Variants in XRCC4 observed in about 807,000 individuals in gnomAD.
The protein encoded by XRCC4 is DNA repair protein XRCC4.
In XRCC4, 28 loss-of-function variants were observed where a neutral mutation model predicts 39.1. The observed-to-expected ratio is 0.72, with a 90% CI of 0.53 to 0.98. The LOEUF is 0.98. XRCC4 is among the 50% of genes least tolerant of loss of function. The pLI, the probability that XRCC4 is intolerant of heterozygous loss-of-function variation, is 0.00. For synonymous variants in XRCC4, 123 were observed against 126.4 expected (o/e 0.97, Z 0.18); for missense variants, 350 against 376.4 (o/e 0.93, Z 0.58).
rs767176080 is a variant in XRCC4, at chr5:83,204,907, C to T, written c.731C>T (p.Ser244Phe). 1 of 1,610,828 alleles carries T rather than the reference C, an allele frequency of 6.2e-7. No homozygotes were observed. Among genetic ancestry groups the T allele is most frequent in the South Asian group, 1.1e-5 (1 of 90,818 alleles). Residue 244 changes from serine (S) to phenylalanine (F), a missense_variant, in exon 6 of 8, where the codon TCT becomes TTT. Ser to Phe is a radical substitution (Grantham distance 155). Coordinates refer to ENST00000396027, the MANE Select transcript of XRCC4 (RefSeq NM_003401.5). Reference protein sequence around the residue: ...DEESENQTDLSGLASAAVSKD... With the variant: ...DEESENQTDLFGLASAAVSKD... ...GAAAGTGAAAACCAAACTGATCTCTCTGGGTTGGCTTCAGGTAAGAGATAC... is the reference window on the plus strand; with the variant it reads ...GAAAGTGAAAACCAAACTGATCTCTTTGGGTTGGCTTCAGGTAAGAGATAC...
rs774555675 is a variant in XRCC4 at position 83,204,850 on chromosome 5, G to A, written c.674G>A (p.Arg225Gln). The A allele has an allele frequency of 6.8e-6, 11 of 1,611,948 alleles. No individual in the cohort carries two copies. In the East Asian group the frequency reaches 1.6e-4, roughly 23 times the overall value. Residue 225 changes from arginine (R) to glutamine (Q), a missense_variant, in exon 6 of 8, where the codon CGA becomes CAA. Arg to Gln is a conservative substitution (Grantham distance 43). Coordinates refer to ENST00000396027, the MANE Select transcript of XRCC4 (RefSeq NM_003401.5). ...ATCTGTTCTGAAATGACTGCTGACC[G>A]AGATCCAGTCTATGATGAGAGTACT... ...TAICSEMTAD[R>Q]DPVYDESTDE...
chr5:83,293,717 G>A (rs896456622), intron 7 of XRCC4, among the ~76,000 whole-genome samples: 2 of 151,880 alleles, frequency 1.3e-5, no homozygotes, highest in African/African-American at 2.4e-5. Context: ...TGTATTTCAT[G>A]GCACTTAGCA....
chr5:83,225,809 A>G (rs1480657045), intron 6 of XRCC4, among the ~76,000 whole-genome samples: 2 of 151,392 alleles, frequency 1.3e-5, no homozygotes, highest in Non-Finnish European at 2.9e-5. Context: ...CGAGATAGTG[A>G]GAGCTGCATG....
intron 6 of XRCC4, among the ~76,000 whole-genome samples, chr5:83,241,578 CAGTA>C (rs1752911661): frequency 6.6e-6 from 1 of 152,028 alleles, no homozygotes; most frequent in Non-Finnish European, 1.5e-5. Context: ...CTGAGACCCA[CAGTA>C]AGAATATATT....
chr5:83,133,365 A>T (rs1747704008), intron 3 of XRCC4, among the ~76,000 whole-genome samples: 1 of 152,166 alleles, frequency 6.6e-6, no homozygotes, highest in South Asian at 2.1e-4. Context: ...CAGTCTGTCC[A>T]TTCTCAGATC....
chr5:83,290,134 T>G (rs1229166149), intron 7 of XRCC4, among the ~76,000 whole-genome samples: 3 of 151,818 alleles, frequency 2.0e-5, no homozygotes, highest in Admixed American at 2.0e-4. Context: ...TTCTCCAGAT[T>G]TTTGGATGGT....
intron 6 of XRCC4, among the ~76,000 whole-genome samples, chr5:83,222,810 C>T (rs1371089738): frequency 4.6e-5 from 7 of 152,016 alleles, no homozygotes; most frequent in East Asian, 1.9e-4. Context: ...TGGAGTGGTG[C>T]GATCACGGCT....
At chr5:83,216,679 A>G (rs766876838) in intron 6 of XRCC4, among the ~76,000 whole-genome samples, 4 of 152,212 alleles carry the variant, frequency 2.6e-5, no homozygotes, top group Non-Finnish European at 4.4e-5. Context: ...ATGAGCCTCA[A>G]AAAAATTATG....
chr5:83,250,613 A>G (rs1431558950), intron 6 of XRCC4, among the ~76,000 whole-genome samples: 1 of 152,202 alleles, frequency 6.6e-6, no homozygotes, highest in South Asian at 2.1e-4. Context: ...TCTACCCAAA[A>G]AGGTGGTTGT....
chr5:83,356,711 A>AT (rs769474480), downstream of XRCC4: 22 of 454,440 alleles, frequency 4.8e-5, no homozygotes, highest in South Asian at 3.0e-4. Context: ...TTCTCCTCAC[A>AT]TTTTTTTAAT....
At chr5:83,083,152 C>G (rs1745029611) in intron 1 of XRCC4, among the ~76,000 whole-genome samples, 1 of 152,108 alleles carries the variant, frequency 6.6e-6, no homozygotes, top group South Asian at 2.1e-4. Flanking sequence ...TTTATCTCCT[C>G]TTTTTACTTC....
At chr5:83,369,940 C>T in the XRCC4 span, among the ~76,000 whole-genome samples, 1 of 152,094 alleles carries the variant, frequency 6.6e-6, no homozygotes, top group African/African-American at 2.4e-5. Flanking sequence ...TAACAAAAGC[C>T]ATTCTAACTG....
At position 83,316,621 on chromosome 5, in the gene XRCC4, G is replaced by A. The variant is rs1387861341; in HGVS notation, c.894-36510G>A. ...GAGACAAAGAAGGCCATTACATAAT[G>A]GTAAAGGGATCAATTCAACAAGAGG... is the stretch of plus-strand genomic sequence containing the variant. On this transcript the variant is annotated intron_variant, in intron 7 of 7. Transcript: ENST00000396027. Among the ~76,000 whole-genome samples, 736 of 144,044 alleles carry A rather than the reference G, an allele frequency of 5.1e-3. 2 individuals are homozygous for A. Among genetic ancestry groups the A allele is most frequent in the African/African-American group, 0.016 (632 of 38,748 alleles). 94.5% of individuals were successfully genotyped at this position (144,044 alleles called of 152,430 possible).
intron 3 of XRCC4, among the ~76,000 whole-genome samples, chr5:83,176,082 A>C (rs1749943829): frequency 1.3e-5 from 2 of 152,094 alleles, no homozygotes; most frequent in Non-Finnish European, 2.9e-5. Flanking sequence ...AAATCACATT[A>C]ATTATGTCAG....
intron 3 of XRCC4, among the ~76,000 whole-genome samples, chr5:83,185,226 G>A (rs1276893807): frequency 6.6e-6 from 1 of 151,852 alleles, no homozygotes; most frequent in Admixed American, 6.6e-5. Flanking sequence ...ATAACTATGG[G>A]CATCTTGATT....
intron 7 of XRCC4, among the ~76,000 whole-genome samples, chr5:83,263,248 T>G (rs1753827838): frequency 6.6e-6 from 1 of 151,980 alleles, no homozygotes; most frequent in African/African-American, 2.4e-5. Context: ...CTATCATTGT[T>G]GGACATTTGG....
intron 3 of XRCC4, among the ~76,000 whole-genome samples, chr5:83,151,259 T>G (rs1748688576): frequency 6.6e-6 from 1 of 152,118 alleles, no homozygotes; most frequent in African/African-American, 2.4e-5. Flanking sequence ...GGGTAGTCTT[T>G]TATATGAATA....
intron 7 of XRCC4, 161 bp downstream of exon 7, chr5:83,258,838 A>T (rs1001160370): frequency 2.2e-6 from 2 of 920,216 alleles, no homozygotes; most frequent in African/African-American, 3.5e-5. Flanking sequence ...TTGTTTCAGT[A>T]TTTGGTTAAT....
At chr5:83,374,083 T>C in the XRCC4 span, among the ~76,000 whole-genome samples, 1 of 152,116 alleles carries the variant, frequency 6.6e-6, no homozygotes, top group Admixed American at 6.6e-5. Flanking sequence ...CTTTTGTCAA[T>C]GTGGAAAAGG....
Sources: allele counts gnomAD v4.1 joint callset (sites outside exome capture counted in the v4.1 genomes callset), GRCh38; gene constraint gnomAD v4.1.1; transcripts MANE v1.5; gene names NCBI Gene and HGNC (gene_info 2026-07-23, HGNC 2026-07-21).